WHRN: variants seen among roughly 807,000 people sequenced by gnomAD.
WHRN encodes the protein whirlin, also known as CASK-interacting protein CIP98.
Under a neutral mutation model 68.3 loss-of-function variants are expected in WHRN, and 41 were observed. That is an observed-to-expected ratio of 0.60 (90% CI 0.47 to 0.78). The LOEUF (loss-of-function observed/expected upper bound fraction) is 0.78, where lower values mean the gene tolerates loss of function less well. Among genes scored for constraint, WHRN ranks in the 30% least tolerant of loss-of-function variants. The pLI, the probability that WHRN is intolerant of heterozygous loss-of-function variation, is 0.00. For synonymous variants in WHRN, 560 were observed against 561.3 expected (o/e 1.00, Z 0.03); for missense variants, 1,243 against 1,244.7 (o/e 1.00, Z 0.02).
At chr9:114,435,537 A>G (rs1218413379) in intron 3 of WHRN, among the ~76,000 whole-genome samples, 1 of 152,146 alleles carries the variant, frequency 6.6e-6, no homozygotes, top group African/African-American at 2.4e-5. Flanking sequence ...CAGGAATCAC[A>G]CTCTGGGAAA....
At chr9:114,491,796 TC>T in intron 1 of WHRN, 1 of 266,914 alleles carries the variant, frequency 3.7e-6, no homozygotes. Context: ...CTGGAGCCAG[TC>T]CCACCATGCC....
intron 7 of WHRN, among the ~76,000 whole-genome samples, chr9:114,410,081 CTG>C (rs1202450493): frequency 2.0e-5 from 3 of 152,184 alleles, no homozygotes; most frequent in African/African-American, 7.2e-5. Flanking sequence ...CTGCACCACA[CTG>C]TGGTTCATTC....
rs1342200626 is a variant in WHRN at position 114,504,155 on chromosome 9, C to T, written c.618+29G>A. 5 of 1,613,840 alleles carry T rather than the reference C, an allele frequency of 3.1e-6. No homozygotes were observed. The Admixed American group carries it at 8.3e-5, about 27-fold the overall frequency. ...CTGTGCCACTCTGTCCATACTCTGCCCCAGACTCTCTCCAAACCACAGCCT... is the reference window on the plus strand; with the variant it reads ...CTGTGCCACTCTGTCCATACTCTGCTCCAGACTCTCTCCAAACCACAGCCT... On this transcript the variant is annotated intron_variant, in intron 1 of 11. Transcript: ENST00000362057.
chr9:114,487,436 AT>A (rs1187049289), intron 1 of WHRN, among the ~76,000 whole-genome samples: 1 of 152,126 alleles, frequency 6.6e-6, no homozygotes, highest in East Asian at 1.9e-4. Flanking sequence ...CTAAAAATGT[AT>A]TTTGAAGATC....
chr9:114,432,207 A>C (rs1422635846), intron 3 of WHRN, among the ~76,000 whole-genome samples: 1 of 152,130 alleles, frequency 6.6e-6, no homozygotes, highest in African/African-American at 2.4e-5. Context: ...TCATGTTCAG[A>C]CACTTTGAGA....
At chr9:114,467,808 C>T (rs185402682) in intron 2 of WHRN, among the ~76,000 whole-genome samples, 239 of 152,220 alleles carry the variant, frequency 1.6e-3, no homozygotes, top group Non-Finnish European at 2.4e-3. Flanking sequence ...CCCAAAGAGA[C>T]GAGAAACACC....
intron 6 of WHRN, 136 bp downstream of exon 6, chr9:114,424,198 G>T: frequency 9.9e-7 from 1 of 1,011,914 alleles, no homozygotes; most frequent in Non-Finnish European, 1.5e-6. Flanking sequence ...GCAGGAGGCT[G>T]CCTCAGTCCC....
At position 114,463,600 on chromosome 9, in the gene WHRN, C is replaced by T. The variant is rs10982230; in HGVS notation, c.963+2667G>A. On this transcript the variant is annotated intron_variant, in intron 3 of 11. Transcript: ENST00000362057. Reference sequence around the variant, plus strand: ...TTTCTCGGTCTTGACAAATATACCACGGTTATACATGATGTCAACACTAGA... The same window carrying T: ...TTTCTCGGTCTTGACAAATATACCATGGTTATACATGATGTCAACACTAGA... Among the ~76,000 whole-genome samples, 311 of 152,222 alleles carry T rather than the reference C, an allele frequency of 2.0e-3. 9 individuals carry two copies. In the South Asian group the frequency reaches 0.034, roughly 16 times the overall value.
intron 3 of WHRN, among the ~76,000 whole-genome samples, chr9:114,441,234 A>G (rs1010997466): frequency 2.6e-5 from 4 of 151,790 alleles, no homozygotes; most frequent in Non-Finnish European, 5.9e-5. Flanking sequence ...GTAAGGCTTC[A>G]GGTCAATAGT....
chr9:114,487,158 T>G (rs574473066), intron 1 of WHRN, among the ~76,000 whole-genome samples: 1 of 149,236 alleles, frequency 6.7e-6, no homozygotes, highest in African/African-American at 2.5e-5. Context: ...GTTTAGCACC[T>G]GGAACCTAGG....
At chr9:114,408,800 T>C (rs1267434809) in intron 7 of WHRN, among the ~76,000 whole-genome samples, 3 of 152,182 alleles carry the variant, frequency 2.0e-5, no homozygotes, top group African/African-American at 7.2e-5. Context: ...TGTGAGGGTG[T>C]TTCCAGGAGA....
chr9:114,475,225 A>T (rs1394239943), intron 2 of WHRN, among the ~76,000 whole-genome samples: 1 of 152,184 alleles, frequency 6.6e-6, no homozygotes, highest in Non-Finnish European at 1.5e-5. Context: ...AGGTCTTACC[A>T]TCCCTGCCAC....
intron 7 of WHRN, among the ~76,000 whole-genome samples, chr9:114,414,317 T>C (rs972002395): frequency 1.3e-5 from 2 of 152,266 alleles, no homozygotes; most frequent in Non-Finnish European, 2.9e-5. Context: ...TAGCATGTTT[T>C]ACGTTGTGTT....
Position 114,406,404 on chromosome 9 carries a change from G to C in WHRN, c.2187C>G (p.Pro729=). The C allele has an allele frequency of 6.2e-7, 1 of 1,614,154 alleles. No individual in the cohort carries two copies. Among genetic ancestry groups the C allele is most frequent in the Non-Finnish European group, 8.5e-7 (1 of 1,180,050 alleles). The change falls in exon 9 of 12, where the codon CCC becomes CCG. Residue 729 remains proline, a synonymous_variant. Coordinates refer to ENST00000362057, the MANE Select transcript of WHRN (RefSeq NM_015404.4). ...QHFVMVEVHR[P]DSEPDVNEVR... is the part of the protein sequence containing the mutation. ...CTTCATTGACGTCTGGCTCGCTGTC[G>C]GGGCGGTGGACCTCCACCATGACAA...
intron 3 of WHRN, among the ~76,000 whole-genome samples, chr9:114,445,838 G>A (rs1838774460): frequency 6.6e-6 from 1 of 152,130 alleles, no homozygotes; most frequent in Admixed American, 6.5e-5. Context: ...GTCCTCTGAG[G>A]TTTCTCTCAT....
intron 3 of WHRN, among the ~76,000 whole-genome samples, chr9:114,427,114 G>T (rs79461529): frequency 6.6e-6 from 1 of 151,992 alleles, no homozygotes; most frequent in African/African-American, 2.4e-5. Flanking sequence ...AATAATAGCC[G>T]GGCACAGTCG....
chr9:114,482,674 C>G (rs906075299), intron 1 of WHRN, among the ~76,000 whole-genome samples: 1 of 151,562 alleles, frequency 6.6e-6, no homozygotes, highest in African/African-American at 2.4e-5. Context: ...AAACGTTGAC[C>G]AAGGAGTTTA....
intron 3 of WHRN, among the ~76,000 whole-genome samples, chr9:114,440,516 C>T (rs1324945791): frequency 6.6e-6 from 1 of 152,182 alleles, no homozygotes. Context: ...GCTGAGATTA[C>T]AGGTGTAAAC....
At chr9:114,487,071 G>T (rs143178543) in intron 1 of WHRN, among the ~76,000 whole-genome samples, 2 of 138,718 alleles carry the variant, frequency 1.4e-5, no homozygotes, top group East Asian at 2.0e-4. Flanking sequence ...AAAAGAGAGC[G>T]AGAGTGAAAG....
Sources: allele counts gnomAD v4.1 joint callset (sites outside exome capture counted in the v4.1 genomes callset), GRCh38; gene constraint gnomAD v4.1.1; transcripts MANE v1.5; gene names NCBI Gene and HGNC (gene_info 2026-07-23, HGNC 2026-07-21).